KIF16B: variants seen among roughly 807,000 people sequenced by gnomAD.
The protein encoded by KIF16B is kinesin family member 16B, also known as kinesin-like protein KIF16B.
Under a neutral mutation model 156.3 loss-of-function variants are expected in KIF16B, and 98 were observed. That is an observed-to-expected ratio of 0.63 (90% CI 0.53 to 0.74). KIF16B has a LOEUF of 0.74. Among genes scored for constraint, KIF16B ranks in the 30% least tolerant of loss-of-function variants. KIF16B has a pLI of 0.00. For synonymous variants in KIF16B, 564 were observed against 583.7 expected (o/e 0.97, Z 0.49); for missense variants, 1,421 against 1,606.5 (o/e 0.88, Z 1.97).
chr20:16,293,926 G>A (rs528508822), intron 25 of KIF16B, among the ~76,000 whole-genome samples: 2 of 152,088 alleles, frequency 1.3e-5, no homozygotes, highest in African/African-American at 4.8e-5. Flanking sequence ...GGGGCTGCGG[G>A]GGGTGCATGC....
chr20:16,435,143 G>A (rs1055713791), intron 12 of KIF16B, among the ~76,000 whole-genome samples: 3 of 152,130 alleles, frequency 2.0e-5, no homozygotes, highest in African/African-American at 7.2e-5. Context: ...TGTAAGTCAA[G>A]AGGTTATGAA....
At chr20:16,454,887 A>ACTCT (rs772335651) in intron 12 of KIF16B, among the ~76,000 whole-genome samples, 52 of 152,282 alleles carry the variant, frequency 3.4e-4, no homozygotes, top group Non-Finnish European at 6.5e-4. Context: ...AGGAATCAGA[A>ACTCT]CTCTCTCAAG....
At chr20:16,300,749 C>A (rs2122593872) in intron 25 of KIF16B, among the ~76,000 whole-genome samples, 1 of 152,146 alleles carries the variant, frequency 6.6e-6, no homozygotes, top group East Asian at 1.9e-4. Context: ...GAACACTTTA[C>A]CCCCCAAATA....
Position 16,530,123 on chromosome 20 carries a change from G to A in KIF16B, c.48-1683C>T, listed in dbSNP as rs73244212. On this transcript the variant is annotated intron_variant, in intron 1 of 25. Coordinates refer to ENST00000354981, the MANE Select transcript of KIF16B (RefSeq NM_024704.5). ...ACATTTTCCACTAAAATAAGTCAGG[G>A]TTCCTTGGAGAAGTGATTCAATCCA... 3.6e-3 allele frequency among the ~76,000 whole-genome samples: 555 copies of A among 152,224 alleles called. 2 individuals carry two copies. The highest frequency in any genetic ancestry group is 0.013 in the African/African-American group (537 of 41,522).
chr20:16,558,337 C>T (rs1290735003), intron 1 of KIF16B, among the ~76,000 whole-genome samples: 1 of 152,230 alleles, frequency 6.6e-6, no homozygotes, highest in East Asian at 1.9e-4. Flanking sequence ...GCCTTCCCTG[C>T]ATCCGGCGTG....
chr20:16,469,447 G>T (rs2067595096), intron 12 of KIF16B, among the ~76,000 whole-genome samples: 1 of 150,456 alleles, frequency 6.6e-6, no homozygotes, highest in Non-Finnish European at 1.5e-5. Context: ...AAATGAAAAT[G>T]AAAACAACAC....
intron 3 of KIF16B, among the ~76,000 whole-genome samples, chr20:16,517,558 G>C (rs1185841789): frequency 1.3e-5 from 2 of 152,184 alleles, no homozygotes; most frequent in Admixed American, 1.3e-4. Context: ...AGCTGGGACT[G>C]CATGCAGGAC....
intron 12 of KIF16B, among the ~76,000 whole-genome samples, chr20:16,476,883 C>T (rs1568580032): frequency 6.6e-6 from 1 of 152,082 alleles, no homozygotes; most frequent in Non-Finnish European, 1.5e-5. Context: ...CTCAGCCTCC[C>T]GAGTAGCTGG....
intron 17 of KIF16B, among the ~76,000 whole-genome samples, chr20:16,402,041 C>T (rs1003017128): frequency 6.6e-6 from 1 of 152,052 alleles, no homozygotes; most frequent in Non-Finnish European, 1.5e-5. Flanking sequence ...CTTGACCTCC[C>T]CTCCCTCACT....
intron 23 of KIF16B, 31 bp from the exon 24 acceptor site, chr20:16,336,046 C>A: frequency 7.7e-7 from 1 of 1,298,264 alleles, no homozygotes. Context: ...AATGAATAAG[C>A]ATTAAGAAGC....
At chr20:16,473,534 G>C (rs1395125567) in intron 12 of KIF16B, among the ~76,000 whole-genome samples, 1 of 152,188 alleles carries the variant, frequency 6.6e-6, no homozygotes, top group African/African-American at 2.4e-5. Flanking sequence ...GCAGGGACTA[G>C]AGTAGACACT....
chr20:16,382,929 A>T (rs548067366), intron 17 of KIF16B, among the ~76,000 whole-genome samples: 1 of 152,336 alleles, frequency 6.6e-6, no homozygotes, highest in Admixed American at 6.5e-5. Context: ...AACAAACTTC[A>T]AATAGTTCTC....
In KIF16B at chr20:16,480,716, T is replaced by C. The variant is rs191441627; in HGVS notation, c.1302+13575A>G. ...CATCTTAATCTGGGTGTGGGTTAGA[T>C]GGGGGTACACAGAAGTAAAAATTCA... is the stretch of plus-strand genomic sequence containing the variant. On this transcript the variant is annotated intron_variant, in intron 12 of 25. Transcript: ENST00000354981. Among the ~76,000 whole-genome samples the C allele has an allele frequency of 1.9e-3, 294 of 152,266 alleles. No homozygotes were observed. The Middle Eastern group carries it at 0.024, about 12-fold the overall frequency.
Position 16,528,029 on chromosome 20 carries a change from T to C in KIF16B, c.117+342A>G, listed in dbSNP as rs143386420. ...ATGGAAAAAAATATAGGGGCAAAGC[T>C]TATTTAATGTTCACAGAACACAGTC... On this transcript the variant is annotated intron_variant, in intron 2 of 25. Coordinates refer to ENST00000354981, the MANE Select transcript of KIF16B (RefSeq NM_024704.5). Among the ~76,000 whole-genome samples the C allele has an allele frequency of 4.3e-3, 651 of 152,250 alleles. 3 individuals are homozygous for C. Among genetic ancestry groups the C allele is most frequent in the African/African-American group, 0.015 (615 of 41,542 alleles).
At chr20:16,309,436 A>G (rs1236048377) in intron 25 of KIF16B, among the ~76,000 whole-genome samples, 1 of 152,162 alleles carries the variant, frequency 6.6e-6, no homozygotes, top group Non-Finnish European at 1.5e-5. Flanking sequence ...GCTCCAAGGT[A>G]AAAAAATTAA....
chr20:16,465,126 T>C (rs1035813308), intron 12 of KIF16B, among the ~76,000 whole-genome samples: 6 of 152,146 alleles, frequency 3.9e-5, no homozygotes, highest in African/African-American at 1.4e-4. Flanking sequence ...CTCAAGTGGA[T>C]TAATATATAC....
At chr20:16,368,467 A>G in intron 22 of KIF16B, 19 of 986,210 alleles carry the variant, frequency 1.9e-5, no homozygotes, top group Non-Finnish European at 2.3e-5. Flanking sequence ...GAATGTTGTT[A>G]CCTGGGAGGG....
chr20:16,465,723 A>G (rs2067472107), intron 12 of KIF16B, among the ~76,000 whole-genome samples: 1 of 152,206 alleles, frequency 6.6e-6, no homozygotes, highest in Non-Finnish European at 1.5e-5. Flanking sequence ...ATTAAGTTCT[A>G]AATAGCCAAG....
chr20:16,418,407 G>A (rs1350058996), intron 15 of KIF16B, among the ~76,000 whole-genome samples: 2 of 152,118 alleles, frequency 1.3e-5, no homozygotes. Context: ...ACGATAGGAG[G>A]TAGGACATGC....
Sources: gnomAD v4.1 joint callset for allele counts (sites outside exome capture counted in the v4.1 genomes callset) on GRCh38, gnomAD v4.1.1 for gene constraint, MANE v1.5 for transcripts, NCBI Gene and HGNC (gene_info 2026-07-23, HGNC 2026-07-21) for gene names.